The following GRM5 variants were observed in gnomAD, a reference collection of about 807,000 sequenced individuals.
GRM5 encodes the protein glutamate metabotropic receptor 5.
A neutral mutation model predicts 83.1 loss-of-function variants in GRM5; 19 were observed. That is an observed-to-expected ratio of 0.23 (90% CI 0.16 to 0.34). The LOEUF is 0.34. Ranked by LOEUF, GRM5 falls within the 10% of genes least tolerant of loss-of-function variation. The probability of loss-of-function intolerance (pLI) is 1.00; values close to 1 mark genes in which losing one functional copy is unlikely to be tolerated. For missense variants in GRM5, 1,160 were observed against 1,588.3 expected (o/e 0.73, Z 4.58); for synonymous variants, 675 against 633.6 (o/e 1.07, Z -0.98).
intron 9 of GRM5, among the ~76,000 whole-genome samples, chr11:88,519,134 T>C (rs892598580): frequency 2.0e-5 from 3 of 150,402 alleles, no homozygotes; most frequent in Non-Finnish European, 4.4e-5. Context: ...GACATTAGAG[T>C]TGGGTTTTGA....
intron 3 of GRM5, among the ~76,000 whole-genome samples, chr11:88,781,138 T>C (rs1310598395): frequency 2.0e-5 from 3 of 148,330 alleles, no homozygotes; most frequent in African/African-American, 7.4e-5. Flanking sequence ...TATATATATA[T>C]ATATATATAT....
intron 2 of GRM5, among the ~76,000 whole-genome samples, chr11:88,920,633 A>C (rs565006857): frequency 6.6e-6 from 1 of 152,346 alleles, no homozygotes. Flanking sequence ...TCAAAAAAAC[A>C]AAAATGCAGG....
intron 3 of GRM5, among the ~76,000 whole-genome samples, chr11:88,829,036 G>GA (rs1171725679): frequency 6.6e-6 from 1 of 150,854 alleles, no homozygotes; most frequent in Non-Finnish European, 1.5e-5. Flanking sequence ...TTTATAATTA[G>GA]AAAAAAATCT....
intron 5 of GRM5, among the ~76,000 whole-genome samples, chr11:88,598,241 G>A (rs1290565108): frequency 1.5e-4 from 23 of 152,048 alleles, no homozygotes; most frequent in Admixed American, 1.5e-3. Context: ...AACTTCCAAT[G>A]CTCAGCATGT....
chr11:88,992,825 C>T (rs1591028912), intron 2 of GRM5, among the ~76,000 whole-genome samples: 1 of 134,836 alleles, frequency 7.4e-6, no homozygotes, highest in Non-Finnish European at 1.5e-5. Flanking sequence ...AATGAGAACA[C>T]TTGGACATAG....
At chr11:88,657,148 G>A (rs1389212656) in intron 3 of GRM5, among the ~76,000 whole-genome samples, 1 of 152,084 alleles carries the variant, frequency 6.6e-6, no homozygotes, top group Non-Finnish European at 1.5e-5. Context: ...CATAAAACAA[G>A]GTTATGTTTT....
intron 3 of GRM5, among the ~76,000 whole-genome samples, chr11:88,712,758 T>C (rs1941310950): frequency 1.3e-5 from 2 of 152,052 alleles, no homozygotes; most frequent in African/African-American, 4.8e-5. Flanking sequence ...TCAGTTTGGC[T>C]TCATGTGAAT....
intron 1 of GRM5, among the ~76,000 whole-genome samples, chr11:89,062,422 GC>G (rs1942014487): frequency 6.6e-6 from 1 of 152,212 alleles, no homozygotes; most frequent in Non-Finnish European, 1.5e-5. Context: ...AATGGCCAGT[GC>G]CCAGGATTAG....
At chr11:88,841,538 C>T (rs11021556) in intron 3 of GRM5, among the ~76,000 whole-genome samples, 2,793 of 152,262 alleles carry the variant, frequency 0.018, 46 homozygotes, top group East Asian at 0.068. Context: ...AGGTATTTCC[C>T]CAGAAGAGCA....
intron 3 of GRM5, among the ~76,000 whole-genome samples, chr11:88,728,896 A>T (rs1449162111): frequency 1.3e-5 from 2 of 152,178 alleles, no homozygotes; most frequent in African/African-American, 4.8e-5. Context: ...GTTATTTATG[A>T]CAAACTCACA....
intron 8 of GRM5, among the ~76,000 whole-genome samples, chr11:88,526,851 T>C (rs1363693883): frequency 6.6e-6 from 1 of 152,030 alleles, no homozygotes; most frequent in Non-Finnish European, 1.5e-5. Context: ...ATTTATTAAA[T>C]CCTAGGTAAT....
chr11:89,009,930 A>AAAAAAAAAAAAAAAAAAAAC (rs1316250515), intron 2 of GRM5, among the ~76,000 whole-genome samples: 1 of 100,122 alleles, frequency 1.0e-5, no homozygotes, highest in African/African-American at 3.1e-5. Context: ...AAAAAAAAAA[A>AAAAAAAAAAAAAAAAAAAAC]CACACACAAA....
chr11:88,525,208 A>T (rs1416864939), intron 9 of GRM5, 101 bp downstream of exon 9: 1 of 739,604 alleles, frequency 1.4e-6, no homozygotes, highest in Non-Finnish European at 2.4e-6. Flanking sequence ...ACACTGTATG[A>T]GTTGCACAGT....
At chr11:88,792,644 A>G (rs1943197815) in intron 3 of GRM5, among the ~76,000 whole-genome samples, 1 of 152,178 alleles carries the variant, frequency 6.6e-6, no homozygotes, top group South Asian at 2.1e-4. Flanking sequence ...ATTTTTCTAT[A>G]CAACTCAATC....
At chr11:89,009,919 A>AAAAAAAAAAAAAAAAAAC (rs1940647190) in intron 2 of GRM5, among the ~76,000 whole-genome samples, 2 of 126,456 alleles carry the variant, frequency 1.6e-5, no homozygotes, top group African/African-American at 8.4e-5. Flanking sequence ...AAAAAAAAAA[A>AAAAAAAAAAAAAAAAAAC]AAAAAAAAAA....
chr11:88,608,579 C>T (rs927971964), intron 4 of GRM5, among the ~76,000 whole-genome samples: 65 of 136,244 alleles, frequency 4.8e-4, no homozygotes, highest in African/African-American at 1.5e-3. Flanking sequence ...AGTGCAGTGG[C>T]GCGATATTGG....
intron 9 of GRM5, among the ~76,000 whole-genome samples, chr11:88,519,341 C>T (rs1941614106): frequency 6.6e-6 from 1 of 151,956 alleles, no homozygotes; most frequent in Admixed American, 6.6e-5. Flanking sequence ...AACATATGTA[C>T]AGAAGCAGAA....
intron 3 of GRM5, among the ~76,000 whole-genome samples, chr11:88,667,890 CAAAAAAGAAAA>C (rs1253643567): frequency 5.8e-5 from 8 of 139,012 alleles, no homozygotes; most frequent in East Asian, 4.2e-4. Flanking sequence ...GAGACTCTAT[CAAAAAAGAAAA>C]AAAAAAGAAA....
At chr11:88,940,770 ACT>A (rs1407008417) in intron 2 of GRM5, among the ~76,000 whole-genome samples, 3 of 151,988 alleles carry the variant, frequency 2.0e-5, no homozygotes, top group Non-Finnish European at 2.9e-5. Flanking sequence ...TTCTGAAGCT[ACT>A]CTGAGTATAT....
Sources: gnomAD v4.1 joint callset for allele counts (sites outside exome capture counted in the v4.1 genomes callset) on GRCh38, gnomAD v4.1.1 for gene constraint, MANE v1.5 for transcripts, NCBI Gene and HGNC (gene_info 2026-07-23, HGNC 2026-07-21) for gene names.